The following POT1 variants were observed in gnomAD, a reference collection of about 807,000 sequenced individuals.
The protein encoded by POT1 is protection of telomeres protein 1.
In POT1, 47 loss-of-function variants were observed where a neutral mutation model predicts 78.5. The observed-to-expected ratio is 0.60, with a 90% CI of 0.47 to 0.76. The LOEUF is 0.76. Among genes scored for constraint, POT1 ranks in the 30% least tolerant of loss-of-function variants. The pLI is 0.00. For synonymous variants in POT1, 259 were observed against 260.7 expected (o/e 0.99, Z 0.06); for missense variants, 646 against 749.9 (o/e 0.86, Z 1.62).
chr7:124,827,387 T>C (rs911469334), intron 16 of POT1, 82 bp from the exon 17 acceptor site: 11 of 650,430 alleles, frequency 1.7e-5, no homozygotes, highest in Non-Finnish European at 2.6e-5. Flanking sequence ...TTTATGATAG[T>C]ATAGACCTGT....
chr7:124,909,650 T>C (rs770631508), intron 3 of POT1, among the ~76,000 whole-genome samples: 1 of 151,914 alleles, frequency 6.6e-6, no homozygotes, highest in Non-Finnish European at 1.5e-5. Context: ...ACAACCTCTG[T>C]TATCTGACAG....
chr7:124,859,182 G>T, intron 8 of POT1, 70 bp from the exon 9 acceptor site: 1 of 1,214,662 alleles, frequency 8.2e-7, no homozygotes, highest in Admixed American at 2.6e-5. Flanking sequence ...GTTTTTTCCT[G>T]GAAACAGTAT....
Position 124,825,285 on chromosome 7 carries a change from T to C in POT1, c.1759A>G (p.Met587Val), listed in dbSNP as rs757479590. The C allele has an allele frequency of 3.1e-6, 5 of 1,610,026 alleles. No individual in the cohort carries two copies. In the South Asian group the frequency reaches 3.3e-5, roughly 11 times the overall value. ...ATTCCTGGAGGACAAAACATATCCATGATCATATCCACACTTTTCTGAAGG... is the reference window on the plus strand; with the variant it reads ...ATTCCTGGAGGACAAAACATATCCACGATCATATCCACACTTTTCTGAAGG... Reference protein sequence around the residue: ...DDLQKSVDMIMDMFCPPGIKI... With the variant: ...DDLQKSVDMIVDMFCPPGIKI... Residue 587 changes from methionine (M) to valine (V), a missense_variant, in exon 18 of 19, where the codon ATG becomes GTG. Transcript: ENST00000357628.
intron 2 of POT1, among the ~76,000 whole-genome samples, chr7:124,923,730 C>A (rs1299657752): frequency 1.3e-5 from 2 of 151,020 alleles, no homozygotes; most frequent in Admixed American, 1.3e-4. Flanking sequence ...ACATTATATT[C>A]AGAATGTGTA....
intron 6 of POT1, among the ~76,000 whole-genome samples, chr7:124,879,964 T>C (rs917194478): frequency 2.0e-5 from 3 of 152,108 alleles, no homozygotes; most frequent in Admixed American, 1.3e-4. Context: ...TAATAGCTTA[T>C]AGTGTTTCCC....
At chr7:124,928,662 A>G (rs900328859) in intron 2 of POT1, among the ~76,000 whole-genome samples, 153 bp downstream of exon 2, 2 of 152,244 alleles carry the variant, frequency 1.3e-5, no homozygotes, top group African/African-American at 4.8e-5. Flanking sequence ...CTAAATAAGT[A>G]CTGAATAAGA....
chr7:124,878,778 T>G (rs1156946127), intron 6 of POT1, among the ~76,000 whole-genome samples: 1 of 152,072 alleles, frequency 6.6e-6, no homozygotes, highest in Non-Finnish European at 1.5e-5. Flanking sequence ...CAGGAATATC[T>G]GATCCAAATA....
chr7:124,862,610 G>A (rs1439276292), intron 8 of POT1, among the ~76,000 whole-genome samples: 1 of 152,110 alleles, frequency 6.6e-6, no homozygotes, highest in Non-Finnish European at 1.5e-5. Flanking sequence ...TGGGCAAGGT[G>A]TAAATCATAA....
intron 11 of POT1, among the ~76,000 whole-genome samples, chr7:124,847,297 C>T (rs1795195617): frequency 6.6e-6 from 1 of 152,176 alleles, no homozygotes; most frequent in Admixed American, 6.6e-5. Context: ...GAGTTAGAGA[C>T]CAGCCTGGCC....
chr7:124,841,330 A>C, intron 13 of POT1, 152 bp from the exon 14 acceptor site: 1 of 599,226 alleles, frequency 1.7e-6, no homozygotes, highest in Non-Finnish European at 2.9e-6. Flanking sequence ...GAGATAATTC[A>C]CTTTGCAGAA....
At chr7:124,868,548 AAAGT>A (rs1357658017) in intron 7 of POT1, among the ~76,000 whole-genome samples, 1 of 151,952 alleles carries the variant, frequency 6.6e-6, no homozygotes, top group African/African-American at 2.4e-5. Context: ...GTTAGAATAT[AAAGT>A]AAGCATCCAC....
chr7:124,860,018 A>G (rs926147855), intron 8 of POT1, among the ~76,000 whole-genome samples: 3 of 152,070 alleles, frequency 2.0e-5, no homozygotes, highest in Non-Finnish European at 2.9e-5. Context: ...GCCCAGGTTG[A>G]GATGGAAAAT....
chr7:124,871,315 T>C (rs1230584525), intron 6 of POT1, among the ~76,000 whole-genome samples: 1 of 152,060 alleles, frequency 6.6e-6, no homozygotes, highest in Non-Finnish European at 1.5e-5. Flanking sequence ...ACCTTTTCTA[T>C]TGCTTCAAGG....
At chr7:124,881,760 A>C (rs1406846046) in intron 6 of POT1, among the ~76,000 whole-genome samples, 1 of 152,026 alleles carries the variant, frequency 6.6e-6, no homozygotes, top group African/African-American at 2.4e-5. Flanking sequence ...TACAAAGCTA[A>C]AGGTAATTTA....
chr7:124,880,486 G>A (rs1006175068), intron 6 of POT1, among the ~76,000 whole-genome samples: 1 of 152,060 alleles, frequency 6.6e-6, no homozygotes, highest in Non-Finnish European at 1.5e-5. Flanking sequence ...AAGATGAACT[G>A]ACAAAGCTCA....
At chr7:124,840,903 TAAAC>T in intron 14 of POT1, 66 bp downstream of exon 14, 1 of 1,269,212 alleles carries the variant, frequency 7.9e-7, no homozygotes, top group Non-Finnish European at 1.1e-6. Flanking sequence ...TAAAATGTAT[TAAAC>T]AATAATTAAT....
intron 3 of POT1, among the ~76,000 whole-genome samples, chr7:124,909,716 T>A (rs1040711431): frequency 6.6e-6 from 1 of 152,076 alleles, no homozygotes; most frequent in Middle Eastern, 3.4e-3. Flanking sequence ...ATTTAAAATG[T>A]ATTTCAATAG....
intron 5 of POT1, among the ~76,000 whole-genome samples, chr7:124,893,501 A>AT (rs1563009014): frequency 6.6e-6 from 1 of 151,512 alleles, no homozygotes; most frequent in East Asian, 1.9e-4. Flanking sequence ...AGCTTGCAGA[A>AT]TATCAGATAA....
chr7:124,828,493 A>T (rs1794684417), intron 16 of POT1, among the ~76,000 whole-genome samples: 1 of 152,182 alleles, frequency 6.6e-6, no homozygotes, highest in African/African-American at 2.4e-5. Context: ...AGTAAGAATA[A>T]ATTAGGACAT....
Sources: allele counts gnomAD v4.1 joint callset (sites outside exome capture counted in the v4.1 genomes callset), GRCh38; gene constraint gnomAD v4.1.1; transcripts MANE v1.5; gene names NCBI Gene and HGNC (gene_info 2026-07-23, HGNC 2026-07-21).